BCAT1: variants seen among roughly 807,000 people sequenced by gnomAD.
The protein encoded by BCAT1 is branched chain amino acid transaminase 1.
Under a neutral mutation model 52.4 loss-of-function variants are expected in BCAT1, and 48 were observed. That is an observed-to-expected ratio of 0.92 (90% CI 0.73 to 1.16). The LOEUF (loss-of-function observed/expected upper bound fraction) is 1.16, where lower values mean the gene tolerates loss of function less well. Among genes scored for constraint, BCAT1 ranks in the 50% most tolerant of loss-of-function variants. BCAT1 has a pLI of 0.00. For synonymous variants in BCAT1, 167 were observed against 161.3 expected, an observed-to-expected ratio of 1.04 and a Z score of -0.27; for missense variants, 451 against 457.1, an observed-to-expected ratio of 0.99 and a Z score of 0.12.
Position 24,814,802 on chromosome 12 carries a change from G to GC in BCAT1, c.*3205_*3206insG, listed in dbSNP as rs1469707168. The GC allele has an allele frequency of 8.8e-5, 5 of 56,848 alleles. No homozygotes were observed. The highest frequency in any genetic ancestry group is 2.5e-4 in the African/African-American group (5 of 19,728). The allele number at this position is 56,848 out of a possible 1,614,324, so 3.5% of individuals were successfully genotyped here. A position where few individuals can be genotyped will look rare whatever the true frequency, so the allele number is the denominator to read the frequency against. Reference sequence around the variant, plus strand: ...CTACTGCCTGCCTCTGCCTCTGTTTGTTTTTTTTTTTTTTTTTTGTCTTAC... The same window carrying GC: ...CTACTGCCTGCCTCTGCCTCTGTTTGCTTTTTTTTTTTTTTTTTTGTCTTAC... On this transcript the variant is annotated 3_prime_UTR_variant, in exon 11 of 11. Coordinates refer to ENST00000261192, the MANE Select transcript of BCAT1 (RefSeq NM_005504.7).
intron 1 of BCAT1, among the ~76,000 whole-genome samples, chr12:24,919,562 A>AT (rs1268093920): frequency 6.6e-6 from 1 of 152,248 alleles, no homozygotes; most frequent in Non-Finnish European, 1.5e-5. Flanking sequence ...ACTGAACAGA[A>AT]TATGTCATGG....
chr12:24,886,925 T>G (rs193201236), intron 3 of BCAT1, among the ~76,000 whole-genome samples: 74 of 148,782 alleles, frequency 5.0e-4, no homozygotes, highest in African/African-American at 1.7e-3. Context: ...TAGCCAGGCA[T>G]AGTGGCACGT....
rs185545871 is a variant in BCAT1, at chr12:24,922,746, T to C, written c.7-20861A>G. ...ATTAGCCGGTGTGGCAGCGCGCGCC[T>C]GTAGTCCCAGCTACTCGGGAGGCTG... On this transcript the variant is annotated intron_variant, in intron 1 of 10. Transcript: ENST00000261192. 9.8e-3 allele frequency among the ~76,000 whole-genome samples: 1,495 copies of C among 151,922 alleles called. 74 individuals are homozygous for C. Among genetic ancestry groups the C allele is most frequent in the Admixed American group, 0.087 (1,324 of 15,260 alleles).
intron 1 of BCAT1, among the ~76,000 whole-genome samples, chr12:24,938,880 T>G (rs1180804229): frequency 6.6e-6 from 1 of 151,944 alleles, no homozygotes; most frequent in Non-Finnish European, 1.5e-5. Flanking sequence ...ATTTATTTAT[T>G]TATTTATTCA....
At chr12:24,878,778 G>A in intron 4 of BCAT1, 129 bp from the exon 5 acceptor site, 1 of 889,156 alleles carries the variant, frequency 1.1e-6, no homozygotes. Flanking sequence ...AGAAATGTTT[G>A]AGGTGATGGA....
rs527343407 is a variant in BCAT1, at chr12:24,902,774, G to A, written c.7-889C>T. ...GTGGAGATTGCAGGCTGGGACTCCA[G>A]ATTTCGGGCAGGGATGCGGGGAAGG... On this transcript the variant is annotated intron_variant, in intron 1 of 10. Coordinates refer to ENST00000261192, the MANE Select transcript of BCAT1 (RefSeq NM_005504.7). The A allele has an allele frequency of 8.5e-5, 83 of 972,074 alleles. 2 individuals carry two copies. The South Asian group carries it at 1.3e-3, about 15-fold the overall frequency. 60.2% of individuals were successfully genotyped at this position (972,074 alleles called of 1,614,324 possible). A position where few individuals can be genotyped will look rare whatever the true frequency, so the allele number is the denominator to read the frequency against.
chr12:24,902,691 G>A (rs904993865), intron 1 of BCAT1: 1 of 538,998 alleles, frequency 1.9e-6, no homozygotes, highest in Non-Finnish European at 3.1e-6. Context: ...TCCTCGCCAC[G>A]CTCCGGAGCG....
chr12:24,924,043 A>G (rs979076529), intron 1 of BCAT1, among the ~76,000 whole-genome samples: 1 of 152,232 alleles, frequency 6.6e-6, no homozygotes, highest in African/African-American at 2.4e-5. Context: ...TAATTACAGC[A>G]CTAGACATTT....
At chr12:24,934,868 C>T (rs1283026391) in intron 1 of BCAT1, among the ~76,000 whole-genome samples, 9 of 152,194 alleles carry the variant, frequency 5.9e-5, no homozygotes, top group African/African-American at 2.2e-4. Context: ...ATCAGTTGTA[C>T]CACTTGCCAC....
chr12:24,850,883 C>G (rs987851063), intron 5 of BCAT1, among the ~76,000 whole-genome samples: 1 of 152,136 alleles, frequency 6.6e-6, no homozygotes, highest in Non-Finnish European at 1.5e-5. Flanking sequence ...AAATTTAATT[C>G]AGCTGAAGTT....
At chr12:24,834,943 A>T (rs1940853620) in intron 8 of BCAT1, 3 of 239,486 alleles carry the variant, frequency 1.3e-5, no homozygotes, top group Non-Finnish European at 2.1e-5. Context: ...TTGGCATTTC[A>T]CGTCTCATGT....
chr12:24,818,768 C>T (rs2139306824), intron 10 of BCAT1, among the ~76,000 whole-genome samples: 1 of 152,240 alleles, frequency 6.6e-6, no homozygotes. Context: ...TCAGCAAATA[C>T]TTTGGTTTAA....
chr12:24,817,907 A>G lies in BCAT1; in HGVS notation c.*101T>C. On this transcript the variant is annotated 3_prime_UTR_variant, in exon 11 of 11. Transcript: ENST00000261192. The stretch of plus-strand genomic sequence containing the variant: ...ATTGATACTACAAACTACATTATGC[A>G]CAGGTAGCCAAAGAAATCTATCACA... 8.0e-7 allele frequency: 1 copy of G among 1,246,346 alleles called. No homozygotes were observed. The allele number at this position is 1,246,346 out of a possible 1,614,324, so 77.2% of individuals were successfully genotyped here. A position where few individuals can be genotyped will look rare whatever the true frequency, so the allele number is the denominator to read the frequency against.
chr12:24,921,131 T>G (rs777143256), intron 1 of BCAT1, among the ~76,000 whole-genome samples: 22 of 152,238 alleles, frequency 1.4e-4, no homozygotes, highest in Non-Finnish European at 7.4e-5. Flanking sequence ...CCTTTGGATT[T>G]TCATGGAGGC....
intron 9 of BCAT1, among the ~76,000 whole-genome samples, chr12:24,832,295 T>C (rs1338173317): frequency 6.6e-6 from 1 of 152,208 alleles, no homozygotes; most frequent in African/African-American, 2.4e-5. Context: ...CCCACCATGT[T>C]TAAGCTTACA....
At chr12:24,864,492 G>T (rs1429912903) in intron 5 of BCAT1, among the ~76,000 whole-genome samples, 1 of 152,126 alleles carries the variant, frequency 6.6e-6, no homozygotes, top group African/African-American at 2.4e-5. Context: ...GTGGGGGTTG[G>T]ATGCTGCTCT....
At chr12:24,928,901 A>AT (rs75965409) in intron 1 of BCAT1, among the ~76,000 whole-genome samples, 1 of 151,412 alleles carries the variant, frequency 6.6e-6, no homozygotes, top group East Asian at 1.9e-4. Flanking sequence ...TGCCCGGCTA[A>AT]TTTTTTTTAT....
rs1204554504 is a variant in BCAT1 at position 24,812,876 on chromosome 12, C to T, written c.*5132G>A. 6.6e-6 allele frequency: 1 copy of T among 151,974 alleles called. No homozygotes were observed. The highest frequency in any genetic ancestry group is 2.4e-5 in the African/African-American group (1 of 41,440). The allele number at this position is 151,974 out of a possible 1,614,324, so 9.4% of individuals were successfully genotyped here. A position where few individuals can be genotyped will look rare whatever the true frequency, so the allele number is the denominator to read the frequency against. Reference sequence around the variant, plus strand: ...TCTTACACCACAGCCTACATCAATTCTTACCATCCCAACAGTAGATTACAT... The same window carrying T: ...TCTTACACCACAGCCTACATCAATTTTTACCATCCCAACAGTAGATTACAT... On this transcript the variant is annotated 3_prime_UTR_variant, in exon 11 of 11. Transcript: ENST00000261192.
At chr12:24,909,098 T>C (rs1041121157) in intron 1 of BCAT1, among the ~76,000 whole-genome samples, 1 of 152,216 alleles carries the variant, frequency 6.6e-6, no homozygotes, top group Non-Finnish European at 1.5e-5. Context: ...GATTACGGTA[T>C]ACTGATGATT....
Sources: allele counts gnomAD v4.1 joint callset (sites outside exome capture counted in the v4.1 genomes callset), GRCh38; gene constraint gnomAD v4.1.1; transcripts MANE v1.5; gene names NCBI Gene and HGNC (gene_info 2026-07-23, HGNC 2026-07-21).